The following APLP2 variants were observed in gnomAD, a reference collection of about 807,000 sequenced individuals.
APLP2 encodes amyloid beta precursor like protein 2.
A neutral mutation model predicts 89.9 loss-of-function variants in APLP2; 53 were observed. The ratio of observed to expected loss-of-function variants is 0.59; its 90% confidence interval spans 0.47 to 0.74. The LOEUF is 0.74. Among genes scored for constraint, APLP2 ranks in the 30% least tolerant of loss-of-function variants. The pLI is 0.00. For missense variants in APLP2, 973 were observed against 975.9 expected (o/e 1.00, Z 0.04); for synonymous variants, 372 against 348.6 (o/e 1.07, Z -0.75).
intron 13 of APLP2, among the ~76,000 whole-genome samples, chr11:130,136,521 C>G (rs566042566): frequency 2.0e-5 from 3 of 152,134 alleles, no homozygotes; most frequent in East Asian, 1.9e-4. Flanking sequence ...AGTCAGGGGT[C>G]GAATCCAAGC....
chr11:130,096,089 C>A (rs1946166436), intron 1 of APLP2, among the ~76,000 whole-genome samples: 1 of 152,156 alleles, frequency 6.6e-6, no homozygotes, highest in Non-Finnish European at 1.5e-5. Flanking sequence ...TGAGCAGAGT[C>A]CTGAGGGTGA....
At chr11:130,096,641 C>A (rs1946245005) in intron 1 of APLP2, among the ~76,000 whole-genome samples, 1 of 152,120 alleles carries the variant, frequency 6.6e-6, no homozygotes, top group Non-Finnish European at 1.5e-5. Context: ...TCACTTGAGC[C>A]TGGAAGTTCA....
chr11:130,127,917 A>G (rs1950557349), intron 9 of APLP2, 77 bp downstream of exon 9: 1 of 1,295,242 alleles, frequency 7.7e-7, no homozygotes, highest in Non-Finnish European at 1.1e-6. Flanking sequence ...TCCCAACGAA[A>G]TTAGGATTGG....
In APLP2 at chr11:130,140,617, A is replaced by G. The variant is rs182550953; in HGVS notation, c.1923+134A>G. 74 of 572,002 alleles carry G rather than the reference A, an allele frequency of 1.3e-4. 2 individuals carry two copies. In the South Asian group the frequency reaches 2.1e-3, roughly 16 times the overall value. 35.4% of individuals were successfully genotyped at this position (572,002 alleles called of 1,614,324 possible). A position where few individuals can be genotyped will look rare whatever the true frequency, so the allele number is the denominator to read the frequency against. On this transcript the variant is annotated intron_variant, in intron 14 of 16. Coordinates refer to ENST00000338167, the MANE Select transcript of APLP2 (RefSeq NM_001142276.2). ...CACAGTAGAAGGTTGGAGGGCTCCA[A>G]CGGCTCCCACAGACTGGCTGTGGTG...
chr11:130,095,971 G>A lies in APLP2; in HGVS notation c.106-13458G>A, dbSNP rs1946148155. On this transcript the variant is annotated intron_variant, in intron 1 of 16. Coordinates refer to ENST00000338167, the MANE Select transcript of APLP2 (RefSeq NM_001142276.2). The stretch of plus-strand genomic sequence containing the variant: ...CCCCTTGACGAAGTCACATTCTAGT[G>A]ATGGGAGATGGACACTGCAGATGAA... Among the ~76,000 whole-genome samples the A allele has an allele frequency of 2.0e-5, 3 of 151,094 alleles. No individual in the cohort carries two copies. In the South Asian group the frequency reaches 6.2e-4, roughly 31 times the overall value.
intron 1 of APLP2, among the ~76,000 whole-genome samples, chr11:130,096,450 G>T (rs1396480945): frequency 2.0e-5 from 3 of 152,200 alleles, no homozygotes; most frequent in African/African-American, 7.2e-5. Context: ...GGGCCCTGTG[G>T]CTCATGCCTG....
intron 1 of APLP2, among the ~76,000 whole-genome samples, chr11:130,091,673 A>G (rs1591780257): frequency 9.3e-6 from 1 of 107,982 alleles, no homozygotes; most frequent in Admixed American, 8.5e-5. Flanking sequence ...GCGGCCGGGC[A>G]GAGGCGCCCC....
intron 7 of APLP2, among the ~76,000 whole-genome samples, chr11:130,124,899 G>A (rs1303542765): frequency 1.3e-5 from 2 of 152,214 alleles, no homozygotes; most frequent in Non-Finnish European, 2.9e-5. Context: ...TTACTGCTTT[G>A]TAAAACTTGG....
chr11:130,119,946 C>T (rs959688273), intron 3 of APLP2, among the ~76,000 whole-genome samples: 2 of 152,010 alleles, frequency 1.3e-5, no homozygotes, highest in Admixed American at 6.6e-5. Context: ...AGGATAGTTC[C>T]CTAGTCTTTC....
chr11:130,114,833 T>G (rs1465926739), intron 3 of APLP2, among the ~76,000 whole-genome samples: 2 of 152,226 alleles, frequency 1.3e-5, no homozygotes, highest in Admixed American at 6.5e-5. Flanking sequence ...ATATCTACTT[T>G]GAAAACAAAA....
intron 1 of APLP2, among the ~76,000 whole-genome samples, chr11:130,077,649 T>C (rs1942370966): frequency 6.6e-6 from 1 of 152,002 alleles, no homozygotes; most frequent in African/African-American, 2.4e-5. Flanking sequence ...TACGGAAATA[T>C]AACATTACCA....
chr11:130,123,834 G>A lies in APLP2; in HGVS notation c.1090+55G>A. ...GGCAGCACCGTCCTGTCTGGCGTCC[G>A]TCTCCCTGCCGTCTTCGTGGCTGCA... On this transcript the variant is annotated intron_variant, in intron 7 of 16. Coordinates refer to ENST00000338167, the MANE Select transcript of APLP2 (RefSeq NM_001142276.2). This position sits in a 1 kb window ranked among gnomAD's most constrained non-coding sequence, Gnocchi z 4.0. 5.7e-6 allele frequency: 9 copies of A among 1,585,004 alleles called. No individual in the cohort carries two copies. Among genetic ancestry groups the A allele is most frequent in the African/African-American group, 2.7e-5 (2 of 74,498 alleles).
rs754654715 is a variant in APLP2, at chr11:130,143,442, G to T, written c.2250G>T (p.Gln750His). 1.7e-5 allele frequency: 27 copies of T among 1,613,774 alleles called. No individual in the cohort carries two copies. Among genetic ancestry groups the T allele is most frequent in the Non-Finnish European group, 2.3e-5 (27 of 1,179,856 alleles). Residue 750 changes from glutamine to histidine, a missense_variant, in exon 17 of 17, where the codon CAG (glutamine) becomes CAT (histidine). Coordinates refer to ENST00000338167, the MANE Select transcript of APLP2 (RefSeq NM_001142276.2). The part of the protein sequence containing the change: ...NPTYKYLEQM[Q>H]I ...CCTACAAATACCTGGAGCAGATGCA[G>T]ATTTAGGTGGCAGGGAGCGCGGCAG... is the stretch of plus-strand genomic sequence containing the variant.
intron 13 of APLP2, 84 bp downstream of exon 13, chr11:130,135,799 T>C (rs78473455): frequency 2.5e-5 from 38 of 1,522,838 alleles, no homozygotes; most frequent in Non-Finnish European, 3.1e-5. Context: ...GAAAACCAAA[T>C]TGAGTTGGGA....
At chr11:130,073,669 C>T (rs1454998824) in intron 1 of APLP2, among the ~76,000 whole-genome samples, 1 of 152,046 alleles carries the variant, frequency 6.6e-6, no homozygotes. Context: ...GGTGAAACTC[C>T]GTCTCTACTA....
rs5795686 is a variant in APLP2, at chr11:130,106,694, CTTTTTT to C, written c.106-2729_106-2724del. 1.3e-4 allele frequency among the ~76,000 whole-genome samples: 19 copies of C among 147,798 alleles called. No individual in the cohort carries two copies. In the South Asian group the frequency reaches 3.9e-3, roughly 30 times the overall value. ...TCCTACCCAAGCTTAGGTCAGATTC[CTTTTTT>C]TTTTTGAGATTTGAGTCTTGCTCTC... is the stretch of plus-strand genomic sequence containing the variant. On this transcript the variant is annotated intron_variant, in intron 1 of 16. Transcript: ENST00000338167.
At chr11:130,131,515 C>A (rs1950936250) in intron 11 of APLP2, among the ~76,000 whole-genome samples, 1 of 152,132 alleles carries the variant, frequency 6.6e-6, no homozygotes, top group South Asian at 2.1e-4. Flanking sequence ...GGGTTGGAGA[C>A]CCTAAGGGGC....
At chr11:130,106,231 T>C (rs1180194930) in intron 1 of APLP2, among the ~76,000 whole-genome samples, 2 of 152,322 alleles carry the variant, frequency 1.3e-5, no homozygotes, top group Non-Finnish European at 2.9e-5. Context: ...TTTTGAATCA[T>C]GGGAGCCAAA....
At chr11:130,108,303 C>G (rs1948073442) in intron 1 of APLP2, among the ~76,000 whole-genome samples, 1 of 152,220 alleles carries the variant, frequency 6.6e-6, no homozygotes, top group South Asian at 2.1e-4. Context: ...TTTTTACAGT[C>G]TACCCATCTG....
Sources: gnomAD v4.1 joint callset for allele counts (sites outside exome capture counted in the v4.1 genomes callset) on GRCh38, gnomAD v4.1.1 for gene constraint, Gnocchi (gnomAD v3.1) non-coding constraint, MANE v1.5 for transcripts, NCBI Gene and HGNC (gene_info 2026-07-23, HGNC 2026-07-21) for gene names.